CFAP299: variants seen among roughly 807,000 people sequenced by gnomAD.
CFAP299 encodes the protein cilia and flagella associated protein 299, also known as cilia- and flagella-associated protein 299.
In CFAP299, 21 loss-of-function variants were observed where a neutral mutation model predicts 27.0. That is an observed-to-expected ratio of 0.78 (90% confidence interval 0.55 to 1.12). The LOEUF (loss-of-function observed/expected upper bound fraction) is 1.12. Ranked by LOEUF, CFAP299 falls within the 50% of genes most tolerant of loss-of-function variation. The pLI is 0.00. For missense variants in CFAP299, 310 were observed against 276.6 expected (o/e 1.12, Z -0.86); for synonymous variants, 104 against 98.1 (o/e 1.06, Z -0.36).
chr4:80,354,496 T>C (rs1197232738), intron 1 of CFAP299, among the ~76,000 whole-genome samples: 2 of 152,230 alleles, frequency 1.3e-5, no homozygotes, highest in African/African-American at 4.8e-5. Context: ...CAACATATTT[T>C]GATTTTTAAA....
intron 3 of CFAP299, among the ~76,000 whole-genome samples, chr4:80,654,429 G>A (rs1466598343): frequency 6.6e-6 from 1 of 152,022 alleles, no homozygotes; most frequent in Non-Finnish European, 1.5e-5. Context: ...AGCCTTTAGG[G>A]TAACTGTGTT....
intron 2 of CFAP299, among the ~76,000 whole-genome samples, chr4:80,535,938 C>T (rs1733718564): frequency 6.6e-6 from 1 of 152,070 alleles, no homozygotes. Flanking sequence ...GTAGCATATT[C>T]AAAGGAGGAT....
At chr4:80,621,913 G>A (rs1167657709) in intron 3 of CFAP299, among the ~76,000 whole-genome samples, 1 of 151,998 alleles carries the variant, frequency 6.6e-6, no homozygotes. Flanking sequence ...GCATATGGAG[G>A]AGAAAACAAA....
chr4:80,712,675 A>T (rs988792436), intron 3 of CFAP299, among the ~76,000 whole-genome samples: 3 of 152,178 alleles, frequency 2.0e-5, no homozygotes, highest in African/African-American at 4.8e-5. Flanking sequence ...AAAGACTTTT[A>T]AAAAAATCAC....
rs1207595619 is a variant in CFAP299, at chr4:80,857,034, G to A, written c.334-12959G>A. 2.6e-5 allele frequency among the ~76,000 whole-genome samples: 4 copies of A among 152,194 alleles called. No homozygotes were observed. The South Asian group carries it at 8.3e-4, about 32-fold the overall frequency. ...CACGATATTGATTCTTCCTACCCAT[G>A]AGCATGGAATGTTCTTCCATTTGTT... On this transcript the variant is annotated intron_variant, in intron 3 of 5. Transcript: ENST00000358105.
chr4:80,354,774 T>G (rs990100422), intron 1 of CFAP299, among the ~76,000 whole-genome samples: 2 of 152,166 alleles, frequency 1.3e-5, no homozygotes, highest in Non-Finnish European at 2.9e-5. Context: ...CATGTGGTAT[T>G]TGATTTTCTG....
intron 4 of CFAP299, among the ~76,000 whole-genome samples, chr4:80,873,843 A>G (rs1733235937): frequency 6.6e-6 from 1 of 152,208 alleles, no homozygotes; most frequent in South Asian, 2.1e-4. Flanking sequence ...AGATAGGATA[A>G]TCAAGAGGAA....
At chr4:80,709,919 C>T (rs936688785) in intron 3 of CFAP299, among the ~76,000 whole-genome samples, 1 of 152,068 alleles carries the variant, frequency 6.6e-6, no homozygotes, top group Non-Finnish European at 1.5e-5. Context: ...TTTCAAGAGA[C>T]AGAAGAATGT....
In CFAP299 at chr4:80,485,360, A is replaced by G. The variant is rs140071433; in HGVS notation, c.243-97733A>G. On this transcript the variant is annotated intron_variant, in intron 2 of 5. Transcript: ENST00000358105. ...GAGGTATTCTCAGGACAACCAATCC[A>G]ATTTCTCTAAGTCAATGGTTTGCAT... 4.6e-5 allele frequency among the ~76,000 whole-genome samples: 7 copies of G among 151,816 alleles called. No homozygotes were observed. The East Asian group carries it at 1.4e-3, about 29-fold the overall frequency.
At position 80,681,964 on chromosome 4, in the gene CFAP299, C is replaced by G. The variant is rs75494917; in HGVS notation, c.333+98781C>G. Among the ~76,000 whole-genome samples the G allele has an allele frequency of 3.1e-4, 47 of 152,204 alleles. No homozygotes were observed. The East Asian group carries it at 6.4e-3, about 21-fold the overall frequency. The stretch of plus-strand genomic sequence containing the variant: ...TGGAGCAAGCCTTGGAAATTTACCA[C>G]CTCAGGAGTTGGTAGAGAATGAGGA... On this transcript the variant is annotated intron_variant, in intron 3 of 5. Transcript: ENST00000358105.
At chr4:80,644,620 C>A (rs1215747568) in intron 3 of CFAP299, among the ~76,000 whole-genome samples, 1 of 152,154 alleles carries the variant, frequency 6.6e-6, no homozygotes. Flanking sequence ...CGGGTGGAAA[C>A]AATGTAAGTA....
chr4:80,752,575 T>G (rs1013075929), intron 3 of CFAP299, among the ~76,000 whole-genome samples: 18 of 151,096 alleles, frequency 1.2e-4, no homozygotes, highest in Non-Finnish European at 1.8e-4. Flanking sequence ...TATAGTTGGG[T>G]TTTGCTTTTT....
chr4:80,348,555 G>A (rs1478595029), intron 1 of CFAP299, among the ~76,000 whole-genome samples: 2 of 152,196 alleles, frequency 1.3e-5, no homozygotes, highest in East Asian at 3.8e-4. Context: ...CTGATCATTA[G>A]GGAAATGCAA....
chr4:80,775,220 T>C (rs991393120), intron 3 of CFAP299, among the ~76,000 whole-genome samples: 2 of 151,944 alleles, frequency 1.3e-5, no homozygotes, highest in South Asian at 2.1e-4. Flanking sequence ...AATATGCTTC[T>C]AATTAAATGT....
chr4:80,596,557 G>A (rs1227478290), intron 3 of CFAP299, among the ~76,000 whole-genome samples: 3 of 148,916 alleles, frequency 2.0e-5, no homozygotes, highest in African/African-American at 4.9e-5. Flanking sequence ...TTTTTTTTCT[G>A]GATACTCCCT....
At chr4:80,393,024 G>A (rs1426665516) in intron 2 of CFAP299, among the ~76,000 whole-genome samples, 2 of 152,124 alleles carry the variant, frequency 1.3e-5, no homozygotes, top group Non-Finnish European at 2.9e-5. Context: ...ACTTTCCAGT[G>A]GGATGAGACT....
rs144460480 is a variant in CFAP299, at chr4:80,373,500, G to A, written c.242+10616G>A. Reference sequence around the variant, plus strand: ...ACTGAATGATATATGGCAGTGCATCGTGCTTTTTTACTGGAATGGCTGCCT... The same window carrying A: ...ACTGAATGATATATGGCAGTGCATCATGCTTTTTTACTGGAATGGCTGCCT... On this transcript the variant is annotated intron_variant, in intron 2 of 5. Transcript: ENST00000358105. 6.5e-3 allele frequency among the ~76,000 whole-genome samples: 987 copies of A among 152,180 alleles called. 6 individuals carry two copies. Among genetic ancestry groups the A allele is most frequent in the African/African-American group, 0.022 (923 of 41,508 alleles).
chr4:80,831,529 G>C (rs1160525884), intron 3 of CFAP299, among the ~76,000 whole-genome samples: 1 of 152,082 alleles, frequency 6.6e-6, no homozygotes, highest in African/African-American at 2.4e-5. Context: ...GGTAGAACTA[G>C]CTGCTGGCAT....
At chr4:80,654,975 A>C (rs1355862749) in intron 3 of CFAP299, among the ~76,000 whole-genome samples, 1 of 152,048 alleles carries the variant, frequency 6.6e-6, no homozygotes, top group African/African-American at 2.4e-5. Context: ...GAAGTAACAA[A>C]CATCCACACA....
Sources: gnomAD v4.1 joint callset for allele counts (sites outside exome capture counted in the v4.1 genomes callset) on GRCh38, gnomAD v4.1.1 for gene constraint, MANE v1.5 for transcripts, NCBI Gene and HGNC (gene_info 2026-07-23, HGNC 2026-07-21) for gene names.